Variants in GPI observed in about 807,000 individuals in gnomAD.
The protein encoded by GPI is D-hexose-6-phosphate anomerase.
A neutral mutation model predicts 75.8 loss-of-function variants in GPI; 56 were observed. The observed-to-expected ratio is 0.74, with a 90% CI of 0.60 to 0.92. The LOEUF (loss-of-function observed/expected upper bound fraction) is 0.92, where lower values mean the gene tolerates loss of function less well. GPI is among the 40% of genes least tolerant of loss of function. GPI has a pLI of 0.00. For missense variants in GPI, 638 were observed against 741.0 expected (o/e 0.86, Z 1.61); for synonymous variants, 288 against 285.4 (o/e 1.01, Z -0.09).
Position 34,400,266 on chromosome 19 carries a change from C to G in GPI, c.*230C>G. The G allele has an allele frequency of 1.6e-6, 1 of 612,328 alleles. No individual in the cohort carries two copies. Among genetic ancestry groups the G allele is most frequent in the South Asian group, 1.9e-5 (1 of 52,182 alleles). The allele number at this position is 612,328 out of a possible 1,614,324, so 37.9% of individuals were successfully genotyped here. The stretch of plus-strand genomic sequence containing the variant: ...GGCTGAAGTGTTTTTGTGCAGCTGA[C>G]TTTTCTGACCCATGTTCACGTTGTT... On this transcript the variant is annotated 3_prime_UTR_variant, in exon 18 of 18. Transcript: ENST00000356487.
At position 34,400,230 on chromosome 19, in the gene GPI, G is replaced by A; in HGVS notation, c.*194G>A. On this transcript the variant is annotated 3_prime_UTR_variant, in exon 18 of 18. Coordinates refer to ENST00000356487, the MANE Select transcript of GPI (RefSeq NM_000175.5). ...GCCCCTCCATGTCTATGCTCCCTCT[G>A]TGTTAGAATTGGCTGAAGTGTTTTT... is the stretch of plus-strand genomic sequence containing the variant. 1 of 650,614 alleles carries A rather than the reference G, an allele frequency of 1.5e-6. No individual in the cohort carries two copies. The highest frequency in any genetic ancestry group is 1.7e-5 in the South Asian group (1 of 57,792). 40.3% of individuals were successfully genotyped at this position (650,614 alleles called of 1,614,324 possible).
rs764910973 is a variant in GPI, at chr19:34,400,058, C to T, written c.*22C>T. On this transcript the variant is annotated 3_prime_UTR_variant, in exon 18 of 18. Transcript: ENST00000356487. ...ATAAACTCGTGCTCATCTGCAGCCT[C>T]CTCTGTGACTCCCCTTTCTCTTCTC... 3 of 1,606,586 alleles carry T rather than the reference C, an allele frequency of 1.9e-6. No homozygotes were observed. The East Asian group carries it at 6.7e-5, about 36-fold the overall frequency.
Position 34,393,890 on chromosome 19 carries a change from C to G in GPI, c.910-24C>G, listed in dbSNP as rs112683259. On this transcript the variant is annotated intron_variant, in intron 11 of 17. Transcript: ENST00000356487. The surrounding 1 kb of genome is among the most constrained non-coding windows in gnomAD (Gnocchi z 4.4). ...CCCTCCCCGTGCAGCTGCTCAGCTC[C>G]CACTCATCCTGCTCCTGTTTCAGGA... 2,515 of 1,613,282 alleles carry G rather than the reference C, an allele frequency of 1.6e-3. 24 individuals are homozygous for G. In the African/African-American group the frequency reaches 0.028, roughly 18 times the overall value.
intron 9 of GPI, among the ~76,000 whole-genome samples, chr19:34,383,120 T>G (rs1188679293): frequency 2.6e-5 from 4 of 152,100 alleles, no homozygotes; most frequent in African/African-American, 9.7e-5. Flanking sequence ...AGGGCCAGTT[T>G]TGCGGCAGCC....
At chr19:34,394,542 C>G (rs540948373) in intron 12 of GPI, among the ~76,000 whole-genome samples, 14 of 4,042 alleles carry the variant, frequency 3.5e-3, no homozygotes, top group African/African-American at 0.013. Flanking sequence ...GCTGGAATCC[C>G]TTATAGCCTG....
At chr19:34,388,064 C>T (rs2074764554) in intron 9 of GPI, among the ~76,000 whole-genome samples, 1 of 152,144 alleles carries the variant, frequency 6.6e-6, no homozygotes, top group Non-Finnish European at 1.5e-5. Flanking sequence ...GCACCCTGGT[C>T]AGGTATGATA....
In GPI at chr19:34,400,363, G is replaced by A. The variant is rs1555722650; in HGVS notation, c.*327G>A. On this transcript the variant is annotated 3_prime_UTR_variant, in exon 18 of 18. Transcript: ENST00000356487. ...CTCAGCCTCTGATTTTTTTTTTCCT[G>A]TGATGGTGCTTTATGTAGCAGAGGG... 5 of 596,808 alleles carry A rather than the reference G, an allele frequency of 8.4e-6. No individual in the cohort carries two copies. In the East Asian group the frequency reaches 1.1e-4, roughly 13 times the overall value. The allele number at this position is 596,808 out of a possible 1,614,324, so 37.0% of individuals were successfully genotyped here. A position where few individuals can be genotyped will look rare whatever the true frequency, so the allele number is the denominator to read the frequency against.
intron 9 of GPI, among the ~76,000 whole-genome samples, chr19:34,388,645 C>A (rs8191407): frequency 1.4e-3 from 207 of 152,166 alleles, no homozygotes; most frequent in African/African-American, 4.7e-3. Flanking sequence ...GTCTAGAGAC[C>A]CATGTCTGCA....
At chr19:34,383,951 C>T (rs1352596024) in intron 9 of GPI, among the ~76,000 whole-genome samples, 1 of 152,144 alleles carries the variant, frequency 6.6e-6, no homozygotes, top group Non-Finnish European at 1.5e-5. Flanking sequence ...TGCAGCCTTT[C>T]AGAGCCGCGT....
chr19:34,398,961 T>C, intron 14 of GPI: 1 of 369,834 alleles, frequency 2.7e-6, no homozygotes, highest in South Asian at 2.7e-5. Context: ...CGCCTCGGCC[T>C]CCCAAAGTGT....
At chr19:34,381,195 C>T (rs2074645316) in intron 8 of GPI, 5 of 538,050 alleles carry the variant, frequency 9.3e-6, no homozygotes, top group Non-Finnish European at 1.7e-5. Flanking sequence ...CAGGTCCTCA[C>T]ACGGGGTTAC....
chr19:34,396,563 C>A lies in GPI; in HGVS notation c.1193-18C>A. ...CCATGGGCTGGGGTCATGTGGGTGA[C>A]CACAGTGCCCTTCACAGGCACCAAG... On this transcript the variant is annotated intron_variant, in intron 13 of 17. Coordinates refer to ENST00000356487, the MANE Select transcript of GPI (RefSeq NM_000175.5). The A allele has an allele frequency of 1.9e-6, 3 of 1,613,668 alleles. No individual in the cohort carries two copies. Among genetic ancestry groups the A allele is most frequent in the Non-Finnish European group, 2.5e-6 (3 of 1,179,558 alleles).
chr19:34,392,205 C>CAAGTATGAGGATCTGGGTCTGT (rs2074860907), intron 9 of GPI: 6 of 11,484 alleles, frequency 5.2e-4, no homozygotes, highest in Non-Finnish European at 1.0e-3. Context: ...TGGATCTGGC[C>CAAGTATGAGGATCTGGGTCTGT]CCCTTATGAG....
chr19:34,367,027 A>G (rs1482751265), intron 3 of GPI, 176 bp downstream of exon 3: 1 of 703,284 alleles, frequency 1.4e-6, no homozygotes, highest in East Asian at 2.7e-5. Context: ...TGTGCCTTCC[A>G]CAAGATTGGT....
intron 4 of GPI, among the ~76,000 whole-genome samples, chr19:34,370,308 A>G (rs982200142): frequency 6.6e-6 from 1 of 152,160 alleles, no homozygotes; most frequent in African/African-American, 2.4e-5. Context: ...TGTGCATGCT[A>G]CGAGGGTGAT....
Position 34,400,708 on chromosome 19 carries a change from C to CTTA in GPI, c.*674_*675insATT. The stretch of plus-strand genomic sequence containing the variant: ...GCAAGACGCTCAGGTAGTTCTTTTG[C>CTTA]TTTAAAAGGCAGATATTGAAAACTG... On this transcript the variant is annotated 3_prime_UTR_variant, in exon 18 of 18. Transcript: ENST00000356487. 1 of 400,808 alleles carries CTTA rather than the reference C, an allele frequency of 2.5e-6. No individual in the cohort carries two copies. The highest frequency in any genetic ancestry group is 4.4e-6 in the Non-Finnish European group (1 of 227,624). 24.8% of individuals were successfully genotyped at this position (400,808 alleles called of 1,614,324 possible). A position where few individuals can be genotyped will look rare whatever the true frequency, so the allele number is the denominator to read the frequency against.
chr19:34,395,162 G>T (rs1599855448), intron 12 of GPI, among the ~76,000 whole-genome samples: 1 of 152,190 alleles, frequency 6.6e-6, no homozygotes, highest in Non-Finnish European at 1.5e-5. Flanking sequence ...AGCTGCCTTG[G>T]TGAGGGTTGC....
intron 9 of GPI, among the ~76,000 whole-genome samples, chr19:34,387,043 C>T (rs531848498): frequency 6.6e-6 from 1 of 152,274 alleles, no homozygotes; most frequent in African/African-American, 2.4e-5. Context: ...AGGCCAGGCT[C>T]ACATAAATAA....
At position 34,400,210 on chromosome 19, in the gene GPI, T is replaced by A; in HGVS notation, c.*174T>A. The A allele has an allele frequency of 1.4e-6, 1 of 696,056 alleles. No individual in the cohort carries two copies. Among genetic ancestry groups the A allele is most frequent in the Non-Finnish European group, 2.6e-6 (1 of 387,580 alleles). 43.1% of individuals were successfully genotyped at this position (696,056 alleles called of 1,614,324 possible). ...CTCCCCCAGCCTAACCCCCAGCCCC[T>A]CCATGTCTATGCTCCCTCTGTGTTA... On this transcript the variant is annotated 3_prime_UTR_variant, in exon 18 of 18. Transcript: ENST00000356487.
Sources: allele counts gnomAD v4.1 joint callset (sites outside exome capture counted in the v4.1 genomes callset), GRCh38; gene constraint gnomAD v4.1.1; non-coding constraint Gnocchi (gnomAD v3.1); transcripts MANE v1.5; gene names NCBI Gene and HGNC (gene_info 2026-07-23, HGNC 2026-07-21).